Variants in NDUFA8 observed in about 807,000 individuals in gnomAD.
NDUFA8 encodes the protein NADH dehydrogenase [ubiquinone] 1 alpha subcomplex subunit 8.
In NDUFA8, 16 loss-of-function variants were observed where a neutral mutation model predicts 20.9. The ratio of observed to expected loss-of-function variants is 0.77; its 90% confidence interval spans 0.52 to 1.16. NDUFA8 has a LOEUF of 1.16. NDUFA8 is among the 50% of genes most tolerant of loss of function. The pLI is 0.00. For missense variants in NDUFA8, 202 were observed against 216.4 expected (o/e 0.93, Z 0.42); for synonymous variants, 70 against 76.1 (o/e 0.92, Z 0.41).
chr9:122,142,377 C>T (rs1828835336), downstream of NDUFA8, among the ~76,000 whole-genome samples: 2 of 152,160 alleles, frequency 1.3e-5, no homozygotes, highest in African/African-American at 4.8e-5. Flanking sequence ...GGCTTCACAT[C>T]GGAATAGGCT....
intron 3 of NDUFA8, among the ~76,000 whole-genome samples, chr9:122,146,722 T>G (rs998112731): frequency 2.6e-5 from 4 of 152,146 alleles, no homozygotes; most frequent in Non-Finnish European, 5.9e-5. Flanking sequence ...TATAGCAAAA[T>G]CCTGTCTCTA....
chr9:122,156,344 C>A (rs1170937814), intron 1 of NDUFA8, among the ~76,000 whole-genome samples: 1 of 152,194 alleles, frequency 6.6e-6, no homozygotes, highest in Non-Finnish European at 1.5e-5. Flanking sequence ...ACCTTCTAGT[C>A]CTGTCCTTGT....
intron 1 of NDUFA8, among the ~76,000 whole-genome samples, chr9:122,158,188 G>C (rs187232713): frequency 1.9e-4 from 29 of 152,176 alleles, no homozygotes; most frequent in Middle Eastern, 6.8e-3. Context: ...TTAACATAGT[G>C]CCGGGTATAT....
the NDUFA8 span, among the ~76,000 whole-genome samples, chr9:122,136,368 T>C: frequency 0.027 from 4,132 of 152,348 alleles, 74 homozygotes; most frequent in South Asian, 0.037. Context: ...TAGGAGAGTA[T>C]GCACTTTCCC....
chr9:122,145,697 T>C (rs565269069), intron 3 of NDUFA8, among the ~76,000 whole-genome samples: 1 of 152,208 alleles, frequency 6.6e-6, no homozygotes, highest in Non-Finnish European at 1.5e-5. Flanking sequence ...AGATACACAC[T>C]AATGTCAGAG....
At chr9:122,135,564 G>A in the NDUFA8 span, among the ~76,000 whole-genome samples, 1 of 152,142 alleles carries the variant, frequency 6.6e-6, no homozygotes, top group Non-Finnish European at 1.5e-5. Context: ...AAAGAGCCCG[G>A]GTTCTGCAGC....
chr9:122,150,181 G>C (rs1828970785), intron 2 of NDUFA8, among the ~76,000 whole-genome samples: 1 of 152,046 alleles, frequency 6.6e-6, no homozygotes, highest in African/African-American at 2.4e-5. Flanking sequence ...CCAGCACTTT[G>C]GGAGGCCAAG....
At chr9:122,136,203 T>C in the NDUFA8 span, among the ~76,000 whole-genome samples, 2 of 152,184 alleles carry the variant, frequency 1.3e-5, no homozygotes, top group African/African-American at 2.4e-5. Context: ...CAAATGAACA[T>C]CCTTGTACAC....
intron 3 of NDUFA8, among the ~76,000 whole-genome samples, chr9:122,147,346 T>A (rs1394861462): frequency 6.6e-6 from 1 of 152,106 alleles, no homozygotes; most frequent in South Asian, 2.1e-4. Flanking sequence ...TTTCAACAGA[T>A]GGTGGTGTCA....
intron 2 of NDUFA8, among the ~76,000 whole-genome samples, chr9:122,151,872 T>C (rs1397596997): frequency 2.0e-5 from 3 of 152,224 alleles, no homozygotes; most frequent in Non-Finnish European, 2.9e-5. Flanking sequence ...CTGTGTTCTG[T>C]AGTAATGACA....
At chr9:122,154,008 A>G (rs983044432) in intron 1 of NDUFA8, among the ~76,000 whole-genome samples, 3 of 152,186 alleles carry the variant, frequency 2.0e-5, no homozygotes, top group African/African-American at 7.2e-5. Context: ...CCTCTCTGTA[A>G]GCACAGTTTC....
downstream of NDUFA8, among the ~76,000 whole-genome samples, chr9:122,141,025 A>G (rs1332926230): frequency 6.6e-6 from 1 of 152,222 alleles, no homozygotes; most frequent in African/African-American, 2.4e-5. Context: ...TTCCTGGGAA[A>G]GACACCATTC....
chr9:122,149,448 C>A (rs936751970), intron 2 of NDUFA8, among the ~76,000 whole-genome samples: 2 of 152,240 alleles, frequency 1.3e-5, no homozygotes, highest in Non-Finnish European at 2.9e-5. Flanking sequence ...AGCAGACGGG[C>A]TGCAAGCCAC....
At chr9:122,151,599 G>A (rs936749196) in intron 2 of NDUFA8, among the ~76,000 whole-genome samples, 6 of 152,182 alleles carry the variant, frequency 3.9e-5, no homozygotes, top group Non-Finnish European at 7.4e-5. Context: ...GTGAAAAGAG[G>A]AGAGGCAAAA....
intron 2 of NDUFA8, among the ~76,000 whole-genome samples, chr9:122,151,505 G>A (rs150886985): frequency 6.9e-4 from 105 of 152,338 alleles, no homozygotes; most frequent in Middle Eastern, 3.4e-3. Context: ...ACAGCAACTC[G>A]AGTGGCTGGT....
At chr9:122,148,519 T>C (rs1828941888) in intron 2 of NDUFA8, among the ~76,000 whole-genome samples, 1 of 152,178 alleles carries the variant, frequency 6.6e-6, no homozygotes, top group Non-Finnish European at 1.5e-5. Flanking sequence ...GAAAAGAGTG[T>C]AGCCTAATGC....
chr9:122,150,887 G>A (rs141470429), intron 2 of NDUFA8, among the ~76,000 whole-genome samples: 3,488 of 145,392 alleles, frequency 0.024, 60 homozygotes, highest in Admixed American at 0.038. Flanking sequence ...CATGTGACTC[G>A]CTTGAAGCCA....
Position 122,157,634 on chromosome 9 carries a change from GCAACT to G in NDUFA8, c.51+1988_51+1992del, listed in dbSNP as rs1340563839. Among the ~76,000 whole-genome samples, 11 of 135,886 alleles carry G rather than the reference GCAACT, an allele frequency of 8.1e-5. No homozygotes were observed. In the Admixed American group the frequency reaches 8.2e-4, roughly 10 times the overall value. The allele number at this position is 135,886 out of a possible 152,430, so 89.1% of individuals were successfully genotyped here. A position where few individuals can be genotyped will look rare whatever the true frequency, so the allele number is the denominator to read the frequency against. On this transcript the variant is annotated intron_variant, in intron 1 of 3. Transcript: ENST00000373768. ...AATAAAAATTGCAACAAGAAATACA[GCAACT>G]CAAGATTAACCCAGCTACATGGGGT... is the stretch of plus-strand genomic sequence containing the variant.
chr9:122,139,538 T>C (rs1296052668), downstream of NDUFA8, among the ~76,000 whole-genome samples: 5 of 152,188 alleles, frequency 3.3e-5, no homozygotes, highest in East Asian at 7.7e-4. Context: ...AAAACCAACG[T>C]TGATTGAATG....
Sources: allele counts gnomAD v4.1 joint callset (sites outside exome capture counted in the v4.1 genomes callset), GRCh38; gene constraint gnomAD v4.1.1; transcripts MANE v1.5; gene names NCBI Gene and HGNC (gene_info 2026-07-23, HGNC 2026-07-21).